JMJD1C: variants seen among roughly 807,000 people sequenced by gnomAD.
JMJD1C encodes the protein jumonji domain-containing protein 1C.
A neutral mutation model predicts 245.3 loss-of-function variants in JMJD1C; 31 were observed. That is an observed-to-expected ratio of 0.13 (90% confidence interval 0.09 to 0.17). The LOEUF (loss-of-function observed/expected upper bound fraction) is 0.17, where lower values mean the gene tolerates loss of function less well. Ranked by LOEUF, JMJD1C falls within the 10% of genes least tolerant of loss-of-function variation. JMJD1C has a pLI of 1.00. For missense variants in JMJD1C, 2,691 were observed against 3,000.2 expected, an observed-to-expected ratio of 0.90 and a Z score of 2.41; for synonymous variants, 1,057 against 1,017.4, an observed-to-expected ratio of 1.04 and a Z score of -0.74.
At chr10:63,337,613 GAAAAGAAAAGA>G (rs766808198) in intron 2 of JMJD1C, among the ~76,000 whole-genome samples, 3,090 of 45,494 alleles carry the variant, frequency 0.068, 298 homozygotes, top group African/African-American at 0.17. Context: ...GAAAAGAAAA[GAAAAGAAAAGA>G]AAAAGAAAAG....
At chr10:63,174,664 T>C (rs930605080) in intron 24 of JMJD1C, among the ~76,000 whole-genome samples, 3 of 152,008 alleles carry the variant, frequency 2.0e-5, no homozygotes, top group African/African-American at 7.2e-5. Flanking sequence ...AAAAACCCCA[T>C]CTCTACTAAA....
chr10:63,248,777 T>C (rs1297240452), intron 3 of JMJD1C, among the ~76,000 whole-genome samples: 1 of 152,202 alleles, frequency 6.6e-6, no homozygotes, highest in Non-Finnish European at 1.5e-5. Context: ...GCTGCATTTC[T>C]ATGTTTACTG....
At chr10:63,233,066 T>C (rs1564652099) in intron 3 of JMJD1C, among the ~76,000 whole-genome samples, 2 of 152,284 alleles carry the variant, frequency 1.3e-5, no homozygotes, top group South Asian at 2.1e-4. Context: ...TCAGTTAATT[T>C]TGACATTCTG....
At chr10:63,190,041 TCACCATG>T (rs1844589211) in intron 17 of JMJD1C, among the ~76,000 whole-genome samples, 1 of 151,764 alleles carries the variant, frequency 6.6e-6, no homozygotes, top group South Asian at 2.1e-4. Context: ...CAAGCATGCA[TCACCATG>T]CACCATGCCT....
Position 63,189,997 on chromosome 10 carries a change from T to C in JMJD1C, c.6292-551A>G, listed in dbSNP as rs1589100176. Among the ~76,000 whole-genome samples the C allele has an allele frequency of 2.0e-5, 3 of 151,788 alleles. 1 individual carries two copies. The South Asian group carries it at 6.3e-4, about 32-fold the overall frequency. The stretch of plus-strand genomic sequence containing the variant: ...GCTCCGCCTCCCAGATTCAAGTGAT[T>C]TTCCTGTCTCAGACTCCCAAATAGT... On this transcript the variant is annotated intron_variant, in intron 17 of 25. Transcript: ENST00000399262.
intron 2 of JMJD1C, among the ~76,000 whole-genome samples, chr10:63,305,122 A>G (rs1481110240): frequency 6.6e-6 from 1 of 152,070 alleles, no homozygotes; most frequent in Non-Finnish European, 1.5e-5. Context: ...TAATCCCAAT[A>G]CTTTGGGAGG....
intron 2 of JMJD1C, among the ~76,000 whole-genome samples, chr10:63,270,197 T>C (rs1010675883): frequency 8.5e-5 from 13 of 152,170 alleles, no homozygotes; most frequent in African/African-American, 2.7e-4. Context: ...GACGTAGTCT[T>C]GCTCTGTTAC....
At chr10:63,363,571 G>A (rs74998458) in intron 2 of JMJD1C, among the ~76,000 whole-genome samples, 3 of 151,726 alleles carry the variant, frequency 2.0e-5, no homozygotes, top group East Asian at 3.9e-4. Context: ...ACAATTTTTC[G>A]ATCAATTCCT....
At chr10:63,244,033 T>G (rs564578608) in intron 3 of JMJD1C, among the ~76,000 whole-genome samples, 2 of 152,264 alleles carry the variant, frequency 1.3e-5, no homozygotes, top group South Asian at 4.1e-4. Context: ...GATCTATCCC[T>G]GCCTCAACTG....
intron 3 of JMJD1C, among the ~76,000 whole-genome samples, chr10:63,257,629 A>C (rs1160652131): frequency 6.6e-6 from 1 of 152,228 alleles, no homozygotes; most frequent in Non-Finnish European, 1.5e-5. Context: ...ACCTTATTGA[A>C]TATCACTTCT....
intron 2 of JMJD1C, among the ~76,000 whole-genome samples, chr10:63,293,858 T>C (rs985622006): frequency 3.3e-5 from 5 of 152,192 alleles, no homozygotes; most frequent in Non-Finnish European, 7.3e-5. Flanking sequence ...TGGCTCAAGA[T>C]TAAGCCAATC....
intron 1 of JMJD1C, among the ~76,000 whole-genome samples, chr10:63,384,749 T>A (rs1947460652): frequency 1.3e-5 from 2 of 152,214 alleles, no homozygotes; most frequent in Admixed American, 6.5e-5. Flanking sequence ...AGTCACCAGT[T>A]ACTGTAGTCC....
intron 3 of JMJD1C, among the ~76,000 whole-genome samples, chr10:63,259,510 T>G (rs1005823850): frequency 6.6e-6 from 1 of 152,200 alleles, no homozygotes; most frequent in Non-Finnish European, 1.5e-5. Flanking sequence ...AACAGATGTG[T>G]TGAGCAACAA....
At chr10:63,335,250 C>T (rs188372483) in intron 2 of JMJD1C, among the ~76,000 whole-genome samples, 81 of 152,178 alleles carry the variant, frequency 5.3e-4, no homozygotes, top group African/African-American at 1.9e-3. Flanking sequence ...AATGTTGCTT[C>T]AACCTGAACA....
intron 3 of JMJD1C, among the ~76,000 whole-genome samples, chr10:63,230,078 T>A (rs1849776226): frequency 6.6e-6 from 1 of 152,130 alleles, no homozygotes; most frequent in African/African-American, 2.4e-5. Context: ...TGTCTACACA[T>A]AAAATGAAAA....
intron 2 of JMJD1C, among the ~76,000 whole-genome samples, chr10:63,308,782 G>A (rs1938687416): frequency 6.8e-6 from 1 of 146,056 alleles, no homozygotes; most frequent in African/African-American, 2.5e-5. Flanking sequence ...AGGGAAAACT[G>A]TCATCAAAAA....
intron 1 of JMJD1C, among the ~76,000 whole-genome samples, chr10:63,477,681 A>G (rs1395198729): frequency 2.0e-5 from 3 of 152,118 alleles, no homozygotes; most frequent in Admixed American, 1.3e-4. Context: ...AAACAGGAGG[A>G]AACATTTTGT....
intron 20 of JMJD1C, among the ~76,000 whole-genome samples, 153 bp from the exon 21 acceptor site, chr10:63,184,891 G>A (rs1589083195): frequency 1.3e-5 from 2 of 152,268 alleles, no homozygotes; most frequent in Admixed American, 1.3e-4. Flanking sequence ...GACTAAAATA[G>A]CAATTCTGCT....
intron 3 of JMJD1C, among the ~76,000 whole-genome samples, chr10:63,237,188 C>T (rs997844742): frequency 6.6e-6 from 1 of 152,084 alleles, no homozygotes; most frequent in African/African-American, 2.4e-5. Flanking sequence ...CAGGTGCCTG[C>T]CACCATGCCC....
Sources: allele counts gnomAD v4.1 joint callset (sites outside exome capture counted in the v4.1 genomes callset), GRCh38; gene constraint gnomAD v4.1.1; transcripts MANE v1.5; gene names NCBI Gene and HGNC (gene_info 2026-07-23, HGNC 2026-07-21).